Variants in PLVAP observed in about 807,000 individuals in gnomAD.
PLVAP encodes plasmalemma vesicle-associated protein.
PLVAP carries 34 observed loss-of-function variants against 43.1 expected under a neutral mutation model. The ratio of observed to expected loss-of-function variants is 0.79; its 90% CI spans 0.60 to 1.05. The LOEUF (loss-of-function observed/expected upper bound fraction) is 1.05, where lower values mean the gene tolerates loss of function less well. Ranked by LOEUF, PLVAP falls within the 50% of genes least tolerant of loss-of-function variation. The pLI is 0.00. For missense variants in PLVAP, 574 were observed against 593.4 expected (o/e 0.97, Z 0.34); for synonymous variants, 241 against 237.3 (o/e 1.02, Z -0.14).
At position 17,365,931 on chromosome 19, in the gene PLVAP, A is replaced by G; in HGVS notation, c.534T>C (p.Ile178=). 6.2e-7 allele frequency: 1 copy of G among 1,614,028 alleles called. No individual in the cohort carries two copies. The highest frequency in any genetic ancestry group is 1.1e-5 in the South Asian group (1 of 91,086). ...GCACGCTTTCCTTATCCTTAGTGCA[A>G]ATGGTCTTCTCCTTGGCTATCTCCA... is the stretch of plus-strand genomic sequence containing the variant. ...LEVEIAKEKT[I]CTKDKESVLL... is the part of the protein sequence containing the mutation. The change falls in exon 3 of 6, where the codon ATT becomes ATC. Residue 178 remains isoleucine (I), a synonymous_variant. Coordinates refer to ENST00000252590, the MANE Select transcript of PLVAP (RefSeq NM_031310.3).
chr19:17,376,785 G>C, intron 1 of PLVAP, 135 bp downstream of exon 1: 5 of 931,188 alleles, frequency 5.4e-6, no homozygotes, highest in Non-Finnish European at 7.8e-6. Flanking sequence ...GAGACGGAGC[G>C]AGACTCTGTC....
intron 3 of PLVAP, among the ~76,000 whole-genome samples, chr19:17,364,179 G>A (rs1310582157): frequency 2.0e-5 from 3 of 152,030 alleles, no homozygotes; most frequent in Non-Finnish European, 4.4e-5. Flanking sequence ...TCTGTCTCCT[G>A]GGTTCAAGAG....
intron 1 of PLVAP, among the ~76,000 whole-genome samples, chr19:17,367,073 G>T (rs1407672880): frequency 6.6e-6 from 1 of 151,254 alleles, no homozygotes; most frequent in Non-Finnish European, 1.5e-5. Context: ...CTCCCGAGGA[G>T]CTAGGACTAC....
chr19:17,370,462 A>T (rs191821682), intron 1 of PLVAP, among the ~76,000 whole-genome samples: 153 of 152,298 alleles, frequency 1.0e-3, no homozygotes, highest in African/African-American at 3.5e-3. Context: ...CAGCCATAAA[A>T]AGGAAGGAAG....
chr19:17,367,020 G>A (rs2074553203), intron 1 of PLVAP, among the ~76,000 whole-genome samples: 1 of 147,262 alleles, frequency 6.8e-6, no homozygotes, highest in South Asian at 2.1e-4. Flanking sequence ...TCAGCTCACT[G>A]CAACCTTGAC....
At chr19:17,359,934 C>T (rs1030847658) in intron 5 of PLVAP, among the ~76,000 whole-genome samples, 1 of 152,166 alleles carries the variant, frequency 6.6e-6, no homozygotes. Flanking sequence ...CTGCTCATTA[C>T]CTTCCCTCAC....
chr19:17,373,979 T>A (rs2074584661), intron 1 of PLVAP, among the ~76,000 whole-genome samples: 1 of 151,418 alleles, frequency 6.6e-6, no homozygotes, highest in Non-Finnish European at 1.5e-5. Context: ...CTGGCCAACA[T>A]GGTGAAACCC....
At chr19:17,373,490 G>A (rs992076987) in intron 1 of PLVAP, among the ~76,000 whole-genome samples, 4 of 152,000 alleles carry the variant, frequency 2.6e-5, no homozygotes, top group Non-Finnish European at 5.9e-5. Flanking sequence ...AGGTCCTATG[G>A]GAGGTCTGTC....
chr19:17,373,362 A>G (rs987985916), intron 1 of PLVAP, among the ~76,000 whole-genome samples: 1 of 151,552 alleles, frequency 6.6e-6, no homozygotes, highest in Non-Finnish European at 1.5e-5. Context: ...CGAGGGGTTG[A>G]GGTGGAGGTA....
At position 17,375,493 on chromosome 19, in the gene PLVAP, C is replaced by T. The variant is rs538988512; in HGVS notation, c.369+1427G>A. On this transcript the variant is annotated intron_variant, in intron 1 of 5. Coordinates refer to ENST00000252590, the MANE Select transcript of PLVAP (RefSeq NM_031310.3). Reference sequence around the variant, plus strand: ...ATGTTGCTGGCTGGGAATGGTGGCTCATGCCTGTAATCTCAGCACTTTAGG... The same window carrying T: ...ATGTTGCTGGCTGGGAATGGTGGCTTATGCCTGTAATCTCAGCACTTTAGG... 2.0e-3 allele frequency among the ~76,000 whole-genome samples: 303 copies of T among 152,226 alleles called. 1 individual carries two copies. Among genetic ancestry groups the T allele is most frequent in the African/African-American group, 6.7e-3 (278 of 41,528 alleles).
intron 1 of PLVAP, among the ~76,000 whole-genome samples, chr19:17,374,782 T>A (rs893391719): frequency 2.1e-4 from 32 of 151,212 alleles, no homozygotes; most frequent in African/African-American, 6.5e-4. Flanking sequence ...TGTGCCACCA[T>A]GCCTGACTAA....
At chr19:17,354,646 C>A (rs1402427260) in intron 5 of PLVAP, among the ~76,000 whole-genome samples, 1 of 149,880 alleles carries the variant, frequency 6.7e-6, no homozygotes, top group Non-Finnish European at 1.5e-5. Flanking sequence ...CACCTGTAAT[C>A]CCAGCACTTT....
intron 5 of PLVAP, among the ~76,000 whole-genome samples, chr19:17,359,710 T>TTTTTTTTTTTTA (rs1568373661): frequency 6.9e-6 from 1 of 145,702 alleles, no homozygotes; most frequent in Non-Finnish European, 1.5e-5. Flanking sequence ...TTTTTTTTTT[T>TTTTTTTTTTTTA]CTGACACAGT....
intron 3 of PLVAP, chr19:17,362,380 C>T (rs1217205367): frequency 6.6e-6 from 1 of 152,136 alleles, no homozygotes; most frequent in African/African-American, 2.4e-5. Flanking sequence ...CCCAAATTTT[C>T]CTCTCAACCC....
intron 1 of PLVAP, among the ~76,000 whole-genome samples, chr19:17,369,567 G>A (rs1242779981): frequency 6.7e-6 from 1 of 150,192 alleles, no homozygotes; most frequent in South Asian, 2.1e-4. Flanking sequence ...TCCGGGAGGC[G>A]GAGGTTGCAG....
At chr19:17,374,502 C>T (rs8106494) in intron 1 of PLVAP, among the ~76,000 whole-genome samples, 122,842 of 152,080 alleles carry the variant, frequency 0.81, 49,918 homozygotes, top group African/African-American at 0.88. Context: ...CCCTACTTCC[C>T]GGGATTTGGC....
chr19:17,352,590 T>C (rs112121968), intron 5 of PLVAP, among the ~76,000 whole-genome samples: 2 of 152,134 alleles, frequency 1.3e-5, no homozygotes, highest in African/African-American at 4.8e-5. Flanking sequence ...CCCAGGATGG[T>C]GAATGGTGAG....
intron 1 of PLVAP, among the ~76,000 whole-genome samples, chr19:17,367,920 CAG>C (rs902887375): frequency 1.3e-4 from 19 of 151,742 alleles, no homozygotes; most frequent in African/African-American, 4.4e-4. Context: ...TTTTTTTACA[CAG>C]AGTCTCGCTC....
chr19:17,373,326 CAG>C (rs1475244678), intron 1 of PLVAP, among the ~76,000 whole-genome samples: 1 of 151,912 alleles, frequency 6.6e-6, no homozygotes, highest in Non-Finnish European at 1.5e-5. Context: ...CGGATAGAGA[CAG>C]GGCCCTACCC....
Sources: allele counts gnomAD v4.1 joint callset (sites outside exome capture counted in the v4.1 genomes callset), GRCh38; gene constraint gnomAD v4.1.1; transcripts MANE v1.5; gene names NCBI Gene and HGNC (gene_info 2026-07-23, HGNC 2026-07-21).